Variants in CFAP20DC observed in about 807,000 individuals in gnomAD.
CFAP20DC encodes the protein CFAP20 domain containing.
A neutral mutation model predicts 101.7 loss-of-function variants in CFAP20DC; 84 were observed. The observed-to-expected ratio is 0.83, with a 90% CI of 0.69 to 0.99. The LOEUF (loss-of-function observed/expected upper bound fraction) is 0.99. Among genes scored for constraint, CFAP20DC ranks in the 50% least tolerant of loss-of-function variants. The probability of loss-of-function intolerance (pLI) is 0.00; values close to 1 mark genes in which losing one functional copy is unlikely to be tolerated. For synonymous variants in CFAP20DC, 359 were observed against 351.2 expected (o/e 1.02, Z -0.25); for missense variants, 1,007 against 970.3 (o/e 1.04, Z -0.50).
chr3:58,820,532 T>G (rs1417909693), intron 14 of CFAP20DC, among the ~76,000 whole-genome samples: 1 of 150,822 alleles, frequency 6.6e-6, no homozygotes, highest in Non-Finnish European at 1.5e-5. Flanking sequence ...ATGAGTGAAC[T>G]CCCATTCACA....
chr3:58,888,172 C>G (rs1165569290), intron 6 of CFAP20DC, among the ~76,000 whole-genome samples: 1 of 152,018 alleles, frequency 6.6e-6, no homozygotes, highest in Non-Finnish European at 1.5e-5. Flanking sequence ...TAGAATAGAC[C>G]CTACATAAAC....
intron 15 of CFAP20DC, among the ~76,000 whole-genome samples, chr3:58,779,037 G>C (rs1033368309): frequency 7.9e-5 from 12 of 152,234 alleles, no homozygotes; most frequent in African/African-American, 2.9e-4. Flanking sequence ...GATAATCAAT[G>C]TCAGGATCCA....
At chr3:58,935,260 A>G (rs1482531008) in intron 5 of CFAP20DC, among the ~76,000 whole-genome samples, 1 of 152,122 alleles carries the variant, frequency 6.6e-6, no homozygotes, top group Non-Finnish European at 1.5e-5. Context: ...ACCACTGCTC[A>G]AGGAAATAAA....
chr3:58,928,679 A>T (rs950575668), intron 5 of CFAP20DC, among the ~76,000 whole-genome samples: 2 of 152,176 alleles, frequency 1.3e-5, no homozygotes, highest in Non-Finnish European at 2.9e-5. Flanking sequence ...GCATTGGCAT[A>T]TGGGCCTGAG....
intron 6 of CFAP20DC, among the ~76,000 whole-genome samples, chr3:58,911,263 TA>T (rs1192411101): frequency 4.6e-5 from 7 of 152,172 alleles, no homozygotes; most frequent in Non-Finnish European, 1.0e-4. Context: ...AATAGCATAC[TA>T]TACAGTACTG....
At chr3:58,775,815 G>A (rs1291663046) in intron 15 of CFAP20DC, among the ~76,000 whole-genome samples, 3 of 145,922 alleles carry the variant, frequency 2.1e-5, no homozygotes, top group East Asian at 4.0e-4. Context: ...GCGTGATCTC[G>A]TCTCACCACA....
At chr3:58,973,704 T>C (rs781494001) in intron 4 of CFAP20DC, among the ~76,000 whole-genome samples, 1 of 152,154 alleles carries the variant, frequency 6.6e-6, no homozygotes, top group Non-Finnish European at 1.5e-5. Flanking sequence ...GAGACTATCA[T>C]GAAACAATTC....
At chr3:58,937,315 T>A (rs949100972) in intron 5 of CFAP20DC, among the ~76,000 whole-genome samples, 2 of 152,160 alleles carry the variant, frequency 1.3e-5, no homozygotes, top group Admixed American at 6.5e-5. Context: ...ATCTTAGAGT[T>A]CTCCCAAGTC....
In CFAP20DC at chr3:58,914,002, A is replaced by G; in HGVS notation, c.394-138T>C. ...CCCAAACTAATTTTCCTCTTTAGGT[A>G]AACTTATCTCTGTTTTGGCTTAAAA... On this transcript the variant is annotated intron_variant, in intron 5 of 16. Coordinates refer to ENST00000482387, the MANE Select transcript of CFAP20DC (RefSeq NM_001394063.1). The surrounding 1 kb of genome is among the most constrained non-coding windows in gnomAD (Gnocchi z 4.9). 1.2e-6 allele frequency: 1 copy of G among 840,158 alleles called. No individual in the cohort carries two copies. 52.0% of individuals were successfully genotyped at this position (840,158 alleles called of 1,614,324 possible).
chr3:58,995,376 T>TAA (rs35714840), intron 4 of CFAP20DC, among the ~76,000 whole-genome samples: 1 of 143,898 alleles, frequency 6.9e-6, no homozygotes, highest in African/African-American at 2.5e-5. Context: ...AATATCTCAC[T>TAA]AAAAAAAAAA....
intron 5 of CFAP20DC, among the ~76,000 whole-genome samples, chr3:58,931,886 C>T (rs1472155617): frequency 6.6e-6 from 1 of 152,226 alleles, no homozygotes; most frequent in Non-Finnish European, 1.5e-5. Context: ...TCCAAAGGAA[C>T]GCAGTTCCTC....
At chr3:58,873,314 A>G (rs917408856) in intron 7 of CFAP20DC, among the ~76,000 whole-genome samples, 9 of 148,550 alleles carry the variant, frequency 6.1e-5, no homozygotes, top group East Asian at 2.0e-4. Flanking sequence ...GCTGTAAGGC[A>G]GGTGCTCAAG....
rs1461821509 is a variant in CFAP20DC, at chr3:58,874,690, C to A, written c.716-4381G>T. Among the ~76,000 whole-genome samples, 1 of 152,188 alleles carries A rather than the reference C, an allele frequency of 6.6e-6. No homozygotes were observed. The highest frequency in any genetic ancestry group is 1.5e-5 in the Non-Finnish European group (1 of 68,032). On this transcript the variant is annotated intron_variant, in intron 7 of 16. Transcript: ENST00000482387. The surrounding 1 kb of genome is among the most constrained non-coding windows in gnomAD (Gnocchi z 5.1). ...TATCATTTCCTCAGACAAGTCTTTG[C>A]AGACCTTTCTGATTAGGGTAAGTTC...
chr3:58,833,495 A>T (rs1339447596), intron 13 of CFAP20DC, among the ~76,000 whole-genome samples: 1 of 152,210 alleles, frequency 6.6e-6, no homozygotes, highest in Admixed American at 6.5e-5. Flanking sequence ...CCTTGTCATT[A>T]GAGAAATACA....
chr3:58,745,024 G>A (rs993512061), intron 16 of CFAP20DC, among the ~76,000 whole-genome samples: 1 of 152,080 alleles, frequency 6.6e-6, no homozygotes, highest in South Asian at 2.1e-4. Flanking sequence ...AATAATGGTA[G>A]CTGACCTGAC....
Position 58,899,181 on chromosome 3 carries a change from C to A in CFAP20DC, c.551-14472G>T, listed in dbSNP as rs899096027. On this transcript the variant is annotated intron_variant, in intron 6 of 16. Coordinates refer to ENST00000482387, the MANE Select transcript of CFAP20DC (RefSeq NM_001394063.1). The surrounding 1 kb of genome is among the most constrained non-coding windows in gnomAD (Gnocchi z 5.0). ...GTCAGGAGTAACAGGATCAGGGACC[C>A]ACTTAGAAAAACAGTCTGGCTGCTT... Among the ~76,000 whole-genome samples the A allele has an allele frequency of 2.0e-5, 3 of 152,208 alleles. No individual in the cohort carries two copies. The highest frequency in any genetic ancestry group is 7.2e-5 in the African/African-American group (3 of 41,460).
Position 58,863,833 on chromosome 3 carries a change from A to C in CFAP20DC, c.1318T>G (p.Ser440Ala). ...HISYLASSRQ[S>A]LLLGDDSCNP... ...CAGGAGTCATCACCCAGAAGTAGAG[A>C]CTGTCTGCTGGATGCCAGATATGAA... Residue 440 changes from serine to alanine, a missense_variant, in exon 12 of 17, where the codon TCT becomes GCT. By Grantham distance (99) the Ser-to-Ala change is moderately conservative. Coordinates refer to ENST00000482387, the MANE Select transcript of CFAP20DC (RefSeq NM_001394063.1). This position sits in a 1 kb window ranked among gnomAD's most constrained non-coding sequence, Gnocchi z 5.9. The C allele has an allele frequency of 6.2e-7, 1 of 1,614,142 alleles. No homozygotes were observed. Among genetic ancestry groups the C allele is most frequent in the Non-Finnish European group, 8.5e-7 (1 of 1,179,984 alleles).
chr3:58,869,304 T>A lies in CFAP20DC; in HGVS notation c.1015+24A>T. ...TCTCACTATTTTCACTAGCTATCAA[T>A]CTTTATGCATGATTATTTCTTACCA... On this transcript the variant is annotated intron_variant, in intron 9 of 16. Transcript: ENST00000482387. This position sits in a 1 kb window ranked among gnomAD's most constrained non-coding sequence, Gnocchi z 4.3. The A allele has an allele frequency of 1.3e-6, 2 of 1,584,202 alleles. No homozygotes were observed. Among genetic ancestry groups the A allele is most frequent in the Non-Finnish European group, 1.7e-6 (2 of 1,158,174 alleles).
chr3:58,943,209 C>T (rs1178246912), intron 4 of CFAP20DC, among the ~76,000 whole-genome samples: 2 of 152,212 alleles, frequency 1.3e-5, no homozygotes, highest in Non-Finnish European at 2.9e-5. Flanking sequence ...TCTCTCAGCA[C>T]AGTGCTCGAG....
Sources: gnomAD v4.1 joint callset for allele counts (sites outside exome capture counted in the v4.1 genomes callset) on GRCh38, gnomAD v4.1.1 for gene constraint, Gnocchi (gnomAD v3.1) non-coding constraint, MANE v1.5 for transcripts, NCBI Gene and HGNC (gene_info 2026-07-23, HGNC 2026-07-21) for gene names.